Variants in PPM1D observed in about 807,000 individuals in gnomAD.
PPM1D encodes protein phosphatase, Mg2+/Mn2+ dependent 1D, also known as protein phosphatase 1D.
A neutral mutation model predicts 58.3 loss-of-function variants in PPM1D; 52 were observed. The observed-to-expected ratio is 0.89, with a 90% CI of 0.71 to 1.12. The LOEUF is 1.12. Ranked by LOEUF, PPM1D falls within the 50% of genes most tolerant of loss-of-function variation. The pLI, the probability that PPM1D is intolerant of heterozygous loss-of-function variation, is 0.00. For synonymous variants in PPM1D, 278 were observed against 285.1 expected (o/e 0.98, Z 0.25); for missense variants, 564 against 777.2 (o/e 0.73, Z 3.26).
intron 2 of PPM1D, among the ~76,000 whole-genome samples, chr17:60,627,841 A>C (rs2030840703): frequency 6.6e-6 from 1 of 152,068 alleles, no homozygotes; most frequent in Non-Finnish European, 1.5e-5. Context: ...ATATTCTTAC[A>C]TTAACAGCCA....
rs961251541 is a variant in PPM1D at position 60,600,410 on chromosome 17, C to A, written c.-5C>A. On this transcript the variant is annotated 5_prime_UTR_variant, in exon 1 of 6. Transcript: ENST00000305921. ...TGGGACCGGCGGGATCCCGGCCAGC[C>A]GGCCATGGCGGGGCTGTACTCGCTG... 11 of 1,544,082 alleles carry A rather than the reference C, an allele frequency of 7.1e-6. No homozygotes were observed. The highest frequency in any genetic ancestry group is 9.6e-6 in the Non-Finnish European group (11 of 1,145,302).
At chr17:60,603,499 A>C (rs539154356) in intron 1 of PPM1D, among the ~76,000 whole-genome samples, 49 of 152,364 alleles carry the variant, frequency 3.2e-4, no homozygotes, top group Admixed American at 8.5e-4. Context: ...GGCCGGGCGC[A>C]CGCCTGTAAT....
At chr17:60,617,491 A>T (rs950187497) in intron 1 of PPM1D, among the ~76,000 whole-genome samples, 1 of 151,562 alleles carries the variant, frequency 6.6e-6, no homozygotes, top group Non-Finnish European at 1.5e-5. Context: ...GTAGTATGTG[A>T]TGATCACACC....
chr17:60,619,633 C>T (rs1374816306), intron 1 of PPM1D, among the ~76,000 whole-genome samples: 2 of 151,692 alleles, frequency 1.3e-5, no homozygotes, highest in Non-Finnish European at 2.9e-5. Flanking sequence ...TTAGATGGGT[C>T]TTCTCGCTCT....
intron 2 of PPM1D, among the ~76,000 whole-genome samples, chr17:60,633,332 G>A (rs189403822): frequency 3.9e-5 from 6 of 152,130 alleles, no homozygotes; most frequent in Admixed American, 6.5e-5. Context: ...CTGCTGTTTC[G>A]CCCGTCCTCA....
chr17:60,647,747 C>G, intron 3 of PPM1D, 145 bp from the exon 4 acceptor site: 1 of 740,784 alleles, frequency 1.3e-6, no homozygotes, highest in South Asian at 2.0e-5. Context: ...GCTAGGAAAT[C>G]TTATCATGAG....
rs148672464 is a variant in PPM1D, at chr17:60,622,227, T to C, written c.473-1294T>C. Among the ~76,000 whole-genome samples, 151 of 152,074 alleles carry C rather than the reference T, an allele frequency of 9.9e-4. No homozygotes were observed. Among genetic ancestry groups the C allele is most frequent in the Non-Finnish European group, 1.7e-3 (114 of 67,996 alleles). On this transcript the variant is annotated intron_variant, in intron 1 of 5. Transcript: ENST00000305921. ...AAGGAACACTCATTTACTGTCTTTA[T>C]TACTGATTTTTCTTTTTGCTTATGT...
chr17:60,616,287 C>CAA (rs540660869), intron 1 of PPM1D, among the ~76,000 whole-genome samples: 1,602 of 70,412 alleles, frequency 0.023, 30 homozygotes, highest in African/African-American at 0.065. Flanking sequence ...GGCTCTGTCT[C>CAA]AAAAAAAAAA....
Position 60,662,729 on chromosome 17 carries a change from C to T in PPM1D, c.1261-266C>T, listed in dbSNP as rs115171749. 7.3e-3 allele frequency among the ~76,000 whole-genome samples: 1,105 copies of T among 152,242 alleles called. 12 individuals are homozygous for T. The highest frequency in any genetic ancestry group is 0.025 in the African/African-American group (1,028 of 41,526). ...GCTTGTGACCACGTGAATTTTCACC[C>T]ACTTGAATAGATTACTTTATAATTT... is the stretch of plus-strand genomic sequence containing the variant. On this transcript the variant is annotated intron_variant, in intron 5 of 5. Transcript: ENST00000305921.
At chr17:60,618,048 TG>T (rs1567966779) in intron 1 of PPM1D, among the ~76,000 whole-genome samples, 1 of 152,254 alleles carries the variant, frequency 6.6e-6, no homozygotes, top group East Asian at 1.9e-4. Flanking sequence ...ATGCTCTATG[TG>T]TTCTTTTATC....
chr17:60,612,813 C>A (rs896520944), intron 1 of PPM1D, among the ~76,000 whole-genome samples: 1 of 151,784 alleles, frequency 6.6e-6, no homozygotes, highest in African/African-American at 2.4e-5. Context: ...TATGATAATT[C>A]ACTGTCATTT....
intron 1 of PPM1D, among the ~76,000 whole-genome samples, chr17:60,622,165 G>A (rs1380306264): frequency 1.3e-5 from 2 of 151,070 alleles, no homozygotes; most frequent in Admixed American, 1.3e-4. Context: ...TCTCCAGCCT[G>A]GACGACAGAG....
At chr17:60,616,060 C>G (rs1598401404) in intron 1 of PPM1D, among the ~76,000 whole-genome samples, 1 of 152,064 alleles carries the variant, frequency 6.6e-6, no homozygotes, top group South Asian at 2.1e-4. Context: ...GGCTGAAGTG[C>G]AATGGCATGA....
Position 60,648,355 on chromosome 17 carries a change from G to T in PPM1D, c.1017+273G>T, listed in dbSNP as rs75628112. 0.046 allele frequency among the ~76,000 whole-genome samples: 6,999 copies of T among 150,748 alleles called. 572 individuals carry two copies. Among genetic ancestry groups the T allele is most frequent in the African/African-American group, 0.16 (6,609 of 41,050 alleles). On this transcript the variant is annotated intron_variant, in intron 4 of 5. Transcript: ENST00000305921. ...TTGCTAATTCCTTATTTTTTTAAAT[G>T]ACATATAATTTCCATACCATAAAAT...
At chr17:60,652,468 T>G (rs1378932904) in intron 4 of PPM1D, among the ~76,000 whole-genome samples, 1 of 152,116 alleles carries the variant, frequency 6.6e-6, no homozygotes, top group Non-Finnish European at 1.5e-5. Context: ...GGAGTGCAGA[T>G]ATACCTTCAG....
At position 60,626,293 on chromosome 17, in the gene PPM1D, T is replaced by C. The variant is rs180766293; in HGVS notation, c.701+2544T>C. Among the ~76,000 whole-genome samples, 5 of 152,290 alleles carry C rather than the reference T, an allele frequency of 3.3e-5. No homozygotes were observed. In the East Asian group the frequency reaches 7.7e-4, roughly 23 times the overall value. The stretch of plus-strand genomic sequence containing the variant: ...GTTGTACCAATTTACACTTCTACCA[T>C]CAGTGTATGTGGATGTCCTGGACAA... On this transcript the variant is annotated intron_variant, in intron 2 of 5. Transcript: ENST00000305921.
intron 5 of PPM1D, among the ~76,000 whole-genome samples, chr17:60,660,304 C>A (rs1204714137): frequency 6.6e-6 from 1 of 151,950 alleles, no homozygotes; most frequent in Non-Finnish European, 1.5e-5. Flanking sequence ...CCATTGCACT[C>A]CAGCCTGGGC....
chr17:60,642,940 G>A (rs1029958090), intron 3 of PPM1D, among the ~76,000 whole-genome samples: 3 of 150,772 alleles, frequency 2.0e-5, no homozygotes, highest in Non-Finnish European at 3.0e-5. Flanking sequence ...GGTGGCGGGC[G>A]CCTTATAGTC....
chr17:60,644,700 T>TA (rs992475319), intron 3 of PPM1D, among the ~76,000 whole-genome samples: 8 of 152,152 alleles, frequency 5.3e-5, no homozygotes, highest in African/African-American at 1.4e-4. Context: ...ACTATCTGCA[T>TA]AAAAAATCCC....
Sources: gnomAD v4.1 joint callset for allele counts (sites outside exome capture counted in the v4.1 genomes callset) on GRCh38, gnomAD v4.1.1 for gene constraint, MANE v1.5 for transcripts, NCBI Gene and HGNC (gene_info 2026-07-23, HGNC 2026-07-21) for gene names.